TMEM108: variants seen among roughly 807,000 people sequenced by gnomAD.
The protein encoded by TMEM108 is transmembrane protein 108, also known as cancer/testis antigen 124.
TMEM108 carries 12 observed loss-of-function variants against 35.1 expected under a neutral mutation model. That is an observed-to-expected ratio of 0.34 (90% CI 0.22 to 0.55). TMEM108 has a LOEUF of 0.55. Among genes scored for constraint, TMEM108 ranks in the 20% least tolerant of loss-of-function variants. TMEM108 has a pLI of 0.89. For synonymous variants in TMEM108, 287 were observed against 308.6 expected, an observed-to-expected ratio of 0.93 and a Z score of 0.73; for missense variants, 680 against 753.3, an observed-to-expected ratio of 0.90 and a Z score of 1.14.
chr3:133,121,891 T>C (rs1197418754), intron 2 of TMEM108, among the ~76,000 whole-genome samples: 1 of 152,174 alleles, frequency 6.6e-6, no homozygotes, highest in Non-Finnish European at 1.5e-5. Flanking sequence ...GGAGTGTTCC[T>C]TCTAACCTTT....
At chr3:133,105,343 A>T (rs73860836) in intron 2 of TMEM108, among the ~76,000 whole-genome samples, 1 of 152,122 alleles carries the variant, frequency 6.6e-6, no homozygotes, top group South Asian at 2.1e-4. Context: ...AAAGCTAGCA[A>T]TGGTGGGTTG....
At chr3:133,080,867 T>C (rs1485797229) in intron 2 of TMEM108, among the ~76,000 whole-genome samples, 1 of 152,192 alleles carries the variant, frequency 6.6e-6, no homozygotes, top group African/African-American at 2.4e-5. Flanking sequence ...AGTCTCTAGA[T>C]AGACACAAGT....
intron 2 of TMEM108, among the ~76,000 whole-genome samples, chr3:133,075,797 C>T (rs1943732107): frequency 6.6e-6 from 1 of 151,872 alleles, no homozygotes; most frequent in Non-Finnish European, 1.5e-5. Context: ...TGTTTTGTTG[C>T]TGTGGGAAAC....
chr3:133,164,986 C>A (rs1945016410), intron 2 of TMEM108, among the ~76,000 whole-genome samples: 1 of 125,112 alleles, frequency 8.0e-6, no homozygotes, highest in Non-Finnish European at 1.7e-5. Context: ...TGTACACTTA[C>A]AGTAACAAAG....
At chr3:133,187,420 T>C (rs577503862) in intron 2 of TMEM108, among the ~76,000 whole-genome samples, 1 of 152,130 alleles carries the variant, frequency 6.6e-6, no homozygotes, top group South Asian at 2.1e-4. Flanking sequence ...ACTCTCAGCC[T>C]GAGTCTCCAA....
chr3:133,122,459 G>A (rs1287769622), intron 2 of TMEM108, among the ~76,000 whole-genome samples: 1 of 152,042 alleles, frequency 6.6e-6, no homozygotes, highest in Non-Finnish European at 1.5e-5. Flanking sequence ...ATACCTGAAT[G>A]GTAAAAATAA....
At chr3:133,335,477 A>G (rs1000473216) in intron 3 of TMEM108, among the ~76,000 whole-genome samples, 2 of 152,228 alleles carry the variant, frequency 1.3e-5, no homozygotes, top group Non-Finnish European at 2.9e-5. Flanking sequence ...AATGTACTAT[A>G]ACATAGCACA....
At chr3:133,381,257 T>TCA in intron 4 of TMEM108, 96 bp downstream of exon 4, 2 of 1,350,770 alleles carry the variant, frequency 1.5e-6, no homozygotes, top group Non-Finnish European at 2.0e-6. Flanking sequence ...CCTTGCCAAG[T>TCA]GGGCTACAAA....
At chr3:133,304,858 G>A (rs192267996) in intron 3 of TMEM108, among the ~76,000 whole-genome samples, 1 of 152,130 alleles carries the variant, frequency 6.6e-6, no homozygotes, top group Admixed American at 6.5e-5. Flanking sequence ...GAGGCAGGCA[G>A]ATAATTTGAG....
intron 2 of TMEM108, among the ~76,000 whole-genome samples, chr3:133,185,909 AG>A (rs1945414307): frequency 6.6e-6 from 1 of 151,488 alleles, no homozygotes; most frequent in Non-Finnish European, 1.5e-5. Context: ...CTGGGATTAC[AG>A]GCACATGCCA....
chr3:133,175,367 A>T (rs1034358508), intron 2 of TMEM108, among the ~76,000 whole-genome samples: 1 of 152,224 alleles, frequency 6.6e-6, no homozygotes, highest in African/African-American at 2.4e-5. Context: ...TCCAAGACAC[A>T]TAATTGTCAG....
Position 133,041,468 on chromosome 3 carries a change from A to G in TMEM108, c.-166+3033A>G, listed in dbSNP as rs886806783. ...AGGAGCTGAACTATGGAGCTGGCAA[A>G]CCAGCAGTGTGTAGCCTCTAGTCAG... is the stretch of plus-strand genomic sequence containing the variant. On this transcript the variant is annotated intron_variant, in intron 1 of 5. Transcript: ENST00000321871. 3.9e-5 allele frequency among the ~76,000 whole-genome samples: 6 copies of G among 152,328 alleles called. No homozygotes were observed. The East Asian group carries it at 9.6e-4, about 24-fold the overall frequency.
At chr3:133,297,742 G>C (rs957185199) in intron 3 of TMEM108, among the ~76,000 whole-genome samples, 1 of 152,198 alleles carries the variant, frequency 6.6e-6, no homozygotes, top group Admixed American at 6.5e-5. Context: ...AAAAGGAGTG[G>C]TGGGGACCAC....
chr3:133,396,887 G>T lies in TMEM108; in HGVS notation c.*901G>T, dbSNP rs2073313038. 6.6e-6 allele frequency: 1 copy of T among 152,100 alleles called. No homozygotes were observed. Among genetic ancestry groups the T allele is most frequent in the Admixed American group, 6.6e-5 (1 of 15,258 alleles). The allele number at this position is 152,100 out of a possible 1,614,324, so 9.4% of individuals were successfully genotyped here. Reference sequence around the variant, plus strand: ...AAGGCCATGGTATCGTGCCCCTGAGGAACATGTTTATCTAAGAAGCTTTGA... The same window carrying T: ...AAGGCCATGGTATCGTGCCCCTGAGTAACATGTTTATCTAAGAAGCTTTGA... On this transcript the variant is annotated 3_prime_UTR_variant, in exon 6 of 6. Coordinates refer to ENST00000321871, the MANE Select transcript of TMEM108 (RefSeq NM_023943.4).
chr3:133,175,483 ACT>A (rs2107795313), intron 2 of TMEM108, among the ~76,000 whole-genome samples: 1 of 152,154 alleles, frequency 6.6e-6, no homozygotes, highest in East Asian at 1.9e-4. Flanking sequence ...CTTGGCAGAA[ACT>A]CTACAAGCCA....
chr3:133,279,048 C>T (rs1403494366), intron 3 of TMEM108, among the ~76,000 whole-genome samples: 1 of 152,162 alleles, frequency 6.6e-6, no homozygotes. Context: ...TACTTAAAAC[C>T]AGGCCCTTCA....
At chr3:133,362,550 G>A (rs1003984405) in intron 3 of TMEM108, among the ~76,000 whole-genome samples, 3 of 152,194 alleles carry the variant, frequency 2.0e-5, no homozygotes, top group African/African-American at 7.2e-5. Context: ...TTTATCAGCT[G>A]TAACGCATTC....
intron 3 of TMEM108, among the ~76,000 whole-genome samples, chr3:133,244,772 A>T (rs1397003527): frequency 6.6e-6 from 1 of 152,216 alleles, no homozygotes; most frequent in African/African-American, 2.4e-5. Context: ...GAAAATATTG[A>T]CTTTCATAGG....
At chr3:133,166,516 G>A (rs1367245484) in intron 2 of TMEM108, among the ~76,000 whole-genome samples, 1 of 152,146 alleles carries the variant, frequency 6.6e-6, no homozygotes, top group Non-Finnish European at 1.5e-5. Flanking sequence ...ATGTTCGGAC[G>A]TGTTCGGAGT....
Sources: allele counts gnomAD v4.1 joint callset (sites outside exome capture counted in the v4.1 genomes callset), GRCh38; gene constraint gnomAD v4.1.1; transcripts MANE v1.5; gene names NCBI Gene and HGNC (gene_info 2026-07-23, HGNC 2026-07-21).